Variants in VGLL4 observed in about 807,000 individuals in gnomAD.
The protein encoded by VGLL4 is vestigial like family member 4, also known as transcription cofactor vestigial-like protein 4.
VGLL4 carries 7 observed loss-of-function variants against 21.0 expected under a neutral mutation model. That is an observed-to-expected ratio of 0.33 (90% CI 0.19 to 0.63). VGLL4 has a LOEUF of 0.63. Among genes scored for constraint, VGLL4 ranks in the 20% least tolerant of loss-of-function variants. The pLI, the probability that VGLL4 is intolerant of heterozygous loss-of-function variation, is 0.78. For missense variants in VGLL4, 394 were observed against 425.7 expected, an observed-to-expected ratio of 0.93 and a Z score of 0.66; for synonymous variants, 222 against 173.2, an observed-to-expected ratio of 1.28 and a Z score of -2.21.
chr3:11,568,651 G>A lies in VGLL4; in HGVS notation c.273-3632C>T. 1 of 1,566,140 alleles carries A rather than the reference G, an allele frequency of 6.4e-7. No individual in the cohort carries two copies. Among genetic ancestry groups the A allele is most frequent in the Non-Finnish European group, 8.7e-7 (1 of 1,153,774 alleles). On this transcript the variant is annotated intron_variant, in intron 2 of 4. Transcript: ENST00000430365. The surrounding 1 kb of genome is among the most constrained non-coding windows in gnomAD (Gnocchi z 5.9). ...TTCCCGGAGCTTCAAGACAGACATT[G>A]TTTTCCAGGCCCCGCTCGCCCGGAT...
chr3:11,592,333 C>G (rs1273459918), intron 2 of VGLL4, among the ~76,000 whole-genome samples: 1 of 152,110 alleles, frequency 6.6e-6, no homozygotes, highest in Non-Finnish European at 1.5e-5. Context: ...TAAAGAAAAC[C>G]CTTGTTTGTT....
intron 3 of VGLL4, among the ~76,000 whole-genome samples, chr3:11,563,591 G>A (rs1461952637): frequency 6.6e-6 from 1 of 152,206 alleles, no homozygotes; most frequent in African/African-American, 2.4e-5. Context: ...TGGGTAAATG[G>A]TGAGCGCTCG....
upstream of VGLL4, among the ~76,000 whole-genome samples, chr3:11,645,202 CA>C (rs1280967551): frequency 2.5e-5 from 1 of 39,928 alleles, no homozygotes; most frequent in African/African-American, 9.5e-5. Context: ...AAAAAAAAAA[CA>C]AAAACTAAAC....
At chr3:11,616,618 C>T (rs188649797) in intron 1 of VGLL4, among the ~76,000 whole-genome samples, 1 of 152,352 alleles carries the variant, frequency 6.6e-6, no homozygotes, top group East Asian at 1.9e-4. Flanking sequence ...CAAAAACTGA[C>T]ACATGGACAT....
chr3:11,659,400 C>A (rs181849724), intron 2 of VGLL4, among the ~76,000 whole-genome samples: 4 of 134,626 alleles, frequency 3.0e-5, no homozygotes, highest in Non-Finnish European at 6.2e-5. Flanking sequence ...GGTGTGATCT[C>A]GGCTCACCGC....
intron 2 of VGLL4, among the ~76,000 whole-genome samples, chr3:11,700,428 A>T (rs747185651): frequency 8.5e-5 from 13 of 152,206 alleles, no homozygotes; most frequent in Non-Finnish European, 1.6e-4. Context: ...CAAAGTCTGC[A>T]AATAGCTATT....
At chr3:11,702,912 G>T in intron 2 of VGLL4, 2 of 1,491,156 alleles carry the variant, frequency 1.3e-6, no homozygotes, top group Non-Finnish European at 1.8e-6. Context: ...TTGTTATGGA[G>T]CAGAAGACAA....
intron 2 of VGLL4, among the ~76,000 whole-genome samples, chr3:11,700,019 C>T (rs1210904701): frequency 6.6e-6 from 1 of 152,184 alleles, no homozygotes; most frequent in Non-Finnish European, 1.5e-5. Context: ...CAAAGGGAGT[C>T]TTGCATCTAC....
chr3:11,690,243 G>A (rs187598066), intron 2 of VGLL4, among the ~76,000 whole-genome samples: 2 of 152,102 alleles, frequency 1.3e-5, no homozygotes, highest in Admixed American at 1.3e-4. Flanking sequence ...TCTGTTTTCA[G>A]TCTTCCAGGA....
intron 2 of VGLL4, among the ~76,000 whole-genome samples, chr3:11,576,204 A>G (rs1575403802): frequency 1.3e-5 from 2 of 152,344 alleles, no homozygotes; most frequent in Middle Eastern, 6.8e-3. Context: ...ACCTGCGGCC[A>G]TGACCCCCAG....
At chr3:11,660,437 C>G (rs1488012507) in intron 2 of VGLL4, among the ~76,000 whole-genome samples, 1 of 152,142 alleles carries the variant, frequency 6.6e-6, no homozygotes, top group Non-Finnish European at 1.5e-5. Context: ...AGGGCAAAGG[C>G]CTTTGCTTAT....
chr3:11,562,211 C>T (rs2073088340), intron 3 of VGLL4, among the ~76,000 whole-genome samples: 1 of 152,080 alleles, frequency 6.6e-6, no homozygotes, highest in Admixed American at 6.6e-5. Context: ...ATGTGCGAAG[C>T]TTAACCCCAT....
chr3:11,573,356 AAAGAAAG>A, intron 2 of VGLL4, among the ~76,000 whole-genome samples: 1 of 99,716 alleles, frequency 1.0e-5, no homozygotes, highest in South Asian at 2.8e-4. Flanking sequence ...AGAAAGAAAG[AAAGAAAG>A]AAAGAAAGAA....
intron 2 of VGLL4, among the ~76,000 whole-genome samples, chr3:11,670,388 A>G (rs1252705968): frequency 1.3e-5 from 2 of 152,216 alleles, no homozygotes; most frequent in Non-Finnish European, 2.9e-5. Flanking sequence ...GGTTCCTTCC[A>G]GTTTAAAATG....
chr3:11,647,449 T>A (rs114037848), upstream of VGLL4, among the ~76,000 whole-genome samples: 279 of 152,316 alleles, frequency 1.8e-3, 1 homozygote, highest in African/African-American at 6.4e-3. Flanking sequence ...AAGTAGTCCT[T>A]ATCCAAAATA....
chr3:11,626,010 A>G (rs895680337), intron 1 of VGLL4, among the ~76,000 whole-genome samples: 1 of 152,226 alleles, frequency 6.6e-6, no homozygotes, highest in Admixed American at 6.5e-5. Context: ...ATACCATTAA[A>G]TTGTATAATT....
At chr3:11,651,409 A>C (rs1259248289) in intron 2 of VGLL4, among the ~76,000 whole-genome samples, 1 of 152,068 alleles carries the variant, frequency 6.6e-6, no homozygotes, top group Non-Finnish European at 1.5e-5. Flanking sequence ...GTAATAAAAA[A>C]GGAAGACTTA....
At chr3:11,591,015 T>A (rs1461928489) in intron 2 of VGLL4, among the ~76,000 whole-genome samples, 1 of 152,032 alleles carries the variant, frequency 6.6e-6, no homozygotes, top group African/African-American at 2.4e-5. Flanking sequence ...CAGTAAGAGG[T>A]CTATGAAGGT....
chr3:11,664,802 ATCT>A (rs777136161), intron 2 of VGLL4, among the ~76,000 whole-genome samples: 2 of 152,188 alleles, frequency 1.3e-5, no homozygotes, highest in Non-Finnish European at 2.9e-5. Context: ...TGTTTTATAG[ATCT>A]TTTTTAAAAT....
Sources: allele counts gnomAD v4.1 joint callset (sites outside exome capture counted in the v4.1 genomes callset), GRCh38; gene constraint gnomAD v4.1.1; non-coding constraint Gnocchi (gnomAD v3.1); transcripts MANE v1.5; gene names NCBI Gene and HGNC (gene_info 2026-07-23, HGNC 2026-07-21).